The following WDR49 variants were observed in gnomAD, a reference collection of about 807,000 sequenced individuals.
The protein encoded by WDR49 is cilia- and flagella-associated protein 337.
WDR49 carries 107 observed loss-of-function variants against 119.5 expected under a neutral mutation model. That is an observed-to-expected ratio of 0.90 (90% CI 0.77 to 1.05). The LOEUF (loss-of-function observed/expected upper bound fraction) is 1.05, where lower values mean the gene tolerates loss of function less well. Among genes scored for constraint, WDR49 ranks in the 50% least tolerant of loss-of-function variants. The pLI is 0.00. For missense variants in WDR49, 1,240 were observed against 1,220.5 expected (o/e 1.02, Z -0.24); for synonymous variants, 425 against 418.8 (o/e 1.01, Z -0.18).
chr3:167,599,259 G>A (rs1715645425), intron 7 of WDR49, among the ~76,000 whole-genome samples: 1 of 152,120 alleles, frequency 6.6e-6, no homozygotes, highest in Non-Finnish European at 1.5e-5. Flanking sequence ...TCTACTCGGT[G>A]TTCTATTTTA....
Position 167,500,280 on chromosome 3 carries a change from G to A in WDR49, c.2904C>T (p.Asn968=). Residue 968 remains asparagine (N), a synonymous_variant, in exon 18 of 19, where the codon AAC becomes AAT. Transcript: ENST00000682715. ...KKSFSTFRSL[N]IGALEELPEV... ...CAGGCAGCTCTTCCAGGGCTCCAAT[G>A]TTTAATGACCTAAATGTACCTTCAC... The A allele has an allele frequency of 6.2e-7, 1 of 1,604,720 alleles. No individual in the cohort carries two copies.
intron 18 of WDR49, among the ~76,000 whole-genome samples, chr3:167,485,976 A>G (rs1367867999): frequency 1.3e-5 from 2 of 152,074 alleles, no homozygotes; most frequent in Non-Finnish European, 2.9e-5. Context: ...TCAATGCAAA[A>G]GAAAAAAAAA....
At chr3:167,485,214 G>C (rs1407956613) in intron 18 of WDR49, among the ~76,000 whole-genome samples, 2 of 151,842 alleles carry the variant, frequency 1.3e-5, no homozygotes, top group Non-Finnish European at 2.9e-5. Context: ...GGAAGGGGAG[G>C]GATAGCATTA....
Position 167,559,033 on chromosome 3 carries a change from A to T in WDR49, c.1674+1031T>A, listed in dbSNP as rs1010073502. On this transcript the variant is annotated intron_variant, in intron 9 of 18. Transcript: ENST00000682715. ...TTACTTTACTTAAACCCAAATCTCC[A>T]GTCCATACCTTATTCCATTAACCTT... 2.0e-5 allele frequency among the ~76,000 whole-genome samples: 3 copies of T among 152,294 alleles called. No homozygotes were observed. The East Asian group carries it at 5.8e-4, about 29-fold the overall frequency.
intron 8 of WDR49, among the ~76,000 whole-genome samples, chr3:167,571,230 C>T (rs1025408911): frequency 2.0e-5 from 3 of 152,040 alleles, no homozygotes; most frequent in African/African-American, 7.2e-5. Context: ...TTCAAATTTG[C>T]AAAGCCAGCA....
chr3:167,516,833 T>C (rs1289550717), intron 16 of WDR49, among the ~76,000 whole-genome samples: 1 of 152,136 alleles, frequency 6.6e-6, no homozygotes, highest in Non-Finnish European at 1.5e-5. Flanking sequence ...AAAGGGCTAA[T>C]ATCCAGAATC....
intron 2 of WDR49, among the ~76,000 whole-genome samples, chr3:167,643,942 A>C (rs1264608828): frequency 6.6e-6 from 1 of 152,148 alleles, no homozygotes; most frequent in East Asian, 1.9e-4. Flanking sequence ...GTCAAAATAG[A>C]ATTAAATTGT....
intron 18 of WDR49, among the ~76,000 whole-genome samples, chr3:167,499,787 T>C (rs951718679): frequency 5.9e-5 from 9 of 152,170 alleles, no homozygotes; most frequent in Admixed American, 5.9e-4. Flanking sequence ...TAAAACAAGA[T>C]TGCCAGACAC....
intron 10 of WDR49, among the ~76,000 whole-genome samples, chr3:167,552,821 A>G (rs1577235294): frequency 6.6e-6 from 1 of 152,234 alleles, no homozygotes; most frequent in Middle Eastern, 3.4e-3. Context: ...TAAGTACTTT[A>G]CTCAAAAATG....
In WDR49 at chr3:167,510,867, C is replaced by T. The variant is rs151249198; in HGVS notation, c.2775-5451G>A. On this transcript the variant is annotated intron_variant, in intron 16 of 18. Transcript: ENST00000682715. ...GCACCAACCCCCATCTAAACATACC[C>T]CCACCTGCATATATACACCAAGTGT... Among the ~76,000 whole-genome samples, 270 of 141,090 alleles carry T rather than the reference C, an allele frequency of 1.9e-3. 2 individuals carry two copies. Among genetic ancestry groups the T allele is most frequent in the African/African-American group, 7.0e-3 (265 of 37,824 alleles). 92.6% of individuals were successfully genotyped at this position (141,090 alleles called of 152,430 possible). A position where few individuals can be genotyped will look rare whatever the true frequency, so the allele number is the denominator to read the frequency against.
intron 18 of WDR49, among the ~76,000 whole-genome samples, chr3:167,495,883 G>GAAAAAAAAAAAA: frequency 1.4e-4 from 10 of 71,216 alleles, no homozygotes; most frequent in East Asian, 4.4e-4. Flanking sequence ...TTAAAAATTT[G>GAAAAAAAAAAAA]AAAAAAAAAA....
intron 16 of WDR49, 127 bp downstream of exon 16, chr3:167,522,188 A>C: frequency 2.1e-6 from 2 of 961,540 alleles, no homozygotes; most frequent in South Asian, 2.2e-5. Flanking sequence ...CCAATCCCCC[A>C]AATTTTGGAG....
At chr3:167,640,993 T>A (rs1214881016) in intron 2 of WDR49, among the ~76,000 whole-genome samples, 2 of 151,938 alleles carry the variant, frequency 1.3e-5, no homozygotes. Flanking sequence ...CTACTCGACT[T>A]GTAAATGCTT....
At chr3:167,611,178 C>T (rs1459405072) in intron 5 of WDR49, among the ~76,000 whole-genome samples, 4 of 152,116 alleles carry the variant, frequency 2.6e-5, no homozygotes, top group Non-Finnish European at 5.9e-5. Flanking sequence ...ATAGAAACAA[C>T]AAAAAGATAA....
At chr3:167,645,019 T>C (rs1426747065) in intron 2 of WDR49, among the ~76,000 whole-genome samples, 1 of 151,914 alleles carries the variant, frequency 6.6e-6, no homozygotes, top group African/African-American at 2.4e-5. Context: ...TTAAAAAAGC[T>C]ACATGAGATA....
intron 16 of WDR49, among the ~76,000 whole-genome samples, chr3:167,518,794 A>AAGAAGTTTT (rs1752316810): frequency 6.6e-6 from 1 of 151,342 alleles, no homozygotes; most frequent in African/African-American, 2.4e-5. Flanking sequence ...TTAAACTAAA[A>AAGAAGTTTT]AGCTTCTGCA....
chr3:167,567,793 T>A (rs1245286112), intron 8 of WDR49, among the ~76,000 whole-genome samples: 1 of 152,200 alleles, frequency 6.6e-6, no homozygotes, highest in Non-Finnish European at 1.5e-5. Flanking sequence ...GGGCATTGTC[T>A]AATATCAAAA....
At chr3:167,485,473 A>G (rs943366644) in intron 18 of WDR49, among the ~76,000 whole-genome samples, 2 of 152,134 alleles carry the variant, frequency 1.3e-5, no homozygotes, top group South Asian at 2.1e-4. Context: ...GAAGCACAAC[A>G]AGATTTAGGA....
At chr3:167,642,867 T>A (rs1296128549) in intron 2 of WDR49, among the ~76,000 whole-genome samples, 4 of 151,886 alleles carry the variant, frequency 2.6e-5, no homozygotes, top group African/African-American at 9.7e-5. Context: ...GCATTTTGAG[T>A]ATCATAAAAT....
Sources: allele counts gnomAD v4.1 joint callset (sites outside exome capture counted in the v4.1 genomes callset), GRCh38; gene constraint gnomAD v4.1.1; transcripts MANE v1.5; gene names NCBI Gene and HGNC (gene_info 2026-07-23, HGNC 2026-07-21).